The following UBR3 variants were observed in gnomAD, a reference collection of about 807,000 sequenced individuals.
UBR3 encodes E3 ubiquitin-protein ligase UBR3.
UBR3 carries 85 observed loss-of-function variants against 243.2 expected under a neutral mutation model. That is an observed-to-expected ratio of 0.35 (90% CI 0.29 to 0.42). The LOEUF (loss-of-function observed/expected upper bound fraction) is 0.42, where lower values mean the gene tolerates loss of function less well. UBR3 is among the 10% of genes least tolerant of loss of function. UBR3 has a pLI of 1.00. For missense variants in UBR3, 1,686 were observed against 2,300.8 expected, an observed-to-expected ratio of 0.73 and a Z score of 5.47; for synonymous variants, 748 against 799.8, an observed-to-expected ratio of 0.94 and a Z score of 1.09.
intron 19 of UBR3, among the ~76,000 whole-genome samples, chr2:169,940,233 G>T (rs1294657010): frequency 6.6e-6 from 1 of 152,056 alleles, no homozygotes; most frequent in Non-Finnish European, 1.5e-5. Context: ...ATGCTTAGTT[G>T]TTGATTTTTT....
At chr2:169,899,141 G>T (rs1428658885) in intron 8 of UBR3, among the ~76,000 whole-genome samples, 1 of 151,848 alleles carries the variant, frequency 6.6e-6, no homozygotes. Flanking sequence ...ACCATGCCCG[G>T]CTAATTTTTT....
At chr2:170,050,378 C>T (rs1212484776) in intron 32 of UBR3, among the ~76,000 whole-genome samples, 1 of 152,104 alleles carries the variant, frequency 6.6e-6, no homozygotes, top group Non-Finnish European at 1.5e-5. Context: ...AGTATTTTTA[C>T]AAAAAATTAT....
intron 8 of UBR3, 129 bp from the exon 9 acceptor site, chr2:169,904,985 G>A: frequency 1.6e-6 from 1 of 607,424 alleles, no homozygotes. Flanking sequence ...AAGCCATATA[G>A]GTATTAAATG....
chr2:169,845,084 A>G (rs1648398745), intron 1 of UBR3, among the ~76,000 whole-genome samples: 1 of 151,968 alleles, frequency 6.6e-6, no homozygotes, highest in Non-Finnish European at 1.5e-5. Flanking sequence ...AATATCTTCT[A>G]TTTTCTGTGA....
chr2:169,988,147 A>G (rs1195513770), intron 25 of UBR3, among the ~76,000 whole-genome samples: 4 of 151,434 alleles, frequency 2.6e-5, no homozygotes, highest in Non-Finnish European at 3.0e-5. Context: ...CCTTTTTACT[A>G]CTCTTAGGAA....
intron 10 of UBR3, among the ~76,000 whole-genome samples, chr2:169,909,016 C>T (rs972645125): frequency 9.9e-5 from 15 of 151,852 alleles, no homozygotes; most frequent in African/African-American, 2.7e-4. Context: ...TTAGTAGAAA[C>T]GGGGTTTCAC....
chr2:169,954,443 A>C (rs770572708), intron 23 of UBR3, among the ~76,000 whole-genome samples: 27 of 150,678 alleles, frequency 1.8e-4, no homozygotes, highest in Non-Finnish European at 3.2e-4. Flanking sequence ...AGGTCTTGCT[A>C]TGTTGCCCAG....
At chr2:169,856,011 C>T (rs1484847484) in intron 1 of UBR3, among the ~76,000 whole-genome samples, 17 of 150,844 alleles carry the variant, frequency 1.1e-4, no homozygotes, top group Admixed American at 1.3e-4. Context: ...GGCTGCCAGG[C>T]GGAGACGCTC....
At chr2:170,076,760 T>C (rs2091819277) in intron 36 of UBR3, among the ~76,000 whole-genome samples, 1 of 152,216 alleles carries the variant, frequency 6.6e-6, no homozygotes. Flanking sequence ...TACCAAACTT[T>C]ATTCTGAAAG....
intron 5 of UBR3, among the ~76,000 whole-genome samples, chr2:169,882,439 A>G (rs1399265919): frequency 6.8e-6 from 1 of 148,106 alleles, no homozygotes; most frequent in African/African-American, 2.5e-5. Context: ...AAACTTGTCA[A>G]GTCTTGAGTT....
chr2:169,938,356 C>CCATGGG (rs2086428486), intron 19 of UBR3, among the ~76,000 whole-genome samples: 2 of 151,510 alleles, frequency 1.3e-5, no homozygotes, highest in Non-Finnish European at 2.9e-5. Context: ...TTGGGCCTTC[C>CCATGGG]CAGGCTCATG....
chr2:169,995,011 A>T (rs569155435), intron 26 of UBR3, among the ~76,000 whole-genome samples: 3 of 152,296 alleles, frequency 2.0e-5, no homozygotes, highest in African/African-American at 7.2e-5. Flanking sequence ...GAGCTGCGGG[A>T]TAGGCTCCAG....
At position 169,890,567 on chromosome 2, in the gene UBR3, G is replaced by GTATATATATATGTGTATATATATGTA. The variant is rs2084319898; in HGVS notation, c.1039-587_1039-586insGTGTATATATATGTATATATATATAT. ...TATATATATATATATATATATATGT[G>GTATATATATATGTGTATATATATGTA]TATATATATATATGTATATATATAT... On this transcript the variant is annotated intron_variant, in intron 5 of 38. Coordinates refer to ENST00000272793, the MANE Select transcript of UBR3 (RefSeq NM_172070.4). Among the ~76,000 whole-genome samples, 67 of 59,454 alleles carry GTATATATATATGTGTATATATATGTA rather than the reference G, an allele frequency of 1.1e-3. 2 individuals carry two copies. The highest frequency in any genetic ancestry group is 4.8e-3 in the African/African-American group (62 of 12,872). The allele number at this position is 59,454 out of a possible 152,430, so 39.0% of individuals were successfully genotyped here.
chr2:169,974,291 G>A (rs2088319201), intron 24 of UBR3, among the ~76,000 whole-genome samples: 1 of 152,128 alleles, frequency 6.6e-6, no homozygotes, highest in Admixed American at 6.5e-5. Flanking sequence ...AAGTCATGTG[G>A]TCCTGGGCTT....
chr2:169,947,232 A>C (rs769795543), intron 21 of UBR3, among the ~76,000 whole-genome samples: 1 of 152,148 alleles, frequency 6.6e-6, no homozygotes, highest in East Asian at 1.9e-4. Flanking sequence ...TTGTATTACT[A>C]ATGGGTGAGG....
intron 24 of UBR3, among the ~76,000 whole-genome samples, chr2:169,976,211 T>G (rs1383978905): frequency 6.6e-6 from 1 of 152,036 alleles, no homozygotes; most frequent in Non-Finnish European, 1.5e-5. Flanking sequence ...TTTTTGTTGT[T>G]GTTAATTGTT....
At chr2:170,000,138 C>A (rs1282784551) in intron 26 of UBR3, among the ~76,000 whole-genome samples, 1 of 146,740 alleles carries the variant, frequency 6.8e-6, no homozygotes, top group Non-Finnish European at 1.5e-5. Context: ...AAAAAAAAAA[C>A]CTCAAAAAAC....
rs1465784748 is a variant in UBR3, at chr2:169,946,360, G to C, written c.2878G>C (p.Glu960Gln). ...TTTATATCTGATTGAATTAGGACTT[G>C]AAAATTCTGCTGAAGAAGAATCAGA... is the stretch of plus-strand genomic sequence containing the variant. ...MVLYLIELGL[E>Q]NSAEEESDEE... Residue 960 changes from glutamate (E) to glutamine (Q), a missense_variant, in exon 21 of 39, where the codon GAA becomes CAA. Transcript: ENST00000272793. 2 of 1,503,514 alleles carry C rather than the reference G, an allele frequency of 1.3e-6. No individual in the cohort carries two copies. Among genetic ancestry groups the C allele is most frequent in the Admixed American group, 2.1e-5 (1 of 46,676 alleles). 93.1% of individuals were successfully genotyped at this position (1,503,514 alleles called of 1,614,324 possible).
chr2:169,854,336 C>T (rs1193421868), intron 1 of UBR3, among the ~76,000 whole-genome samples: 2 of 150,168 alleles, frequency 1.3e-5, no homozygotes, highest in Admixed American at 6.6e-5. Flanking sequence ...ACTGTTAATG[C>T]ATTACCATAG....
Sources: allele counts gnomAD v4.1 joint callset (sites outside exome capture counted in the v4.1 genomes callset), GRCh38; gene constraint gnomAD v4.1.1; transcripts MANE v1.5; gene names NCBI Gene and HGNC (gene_info 2026-07-23, HGNC 2026-07-21).